The following SLC27A1 variants were observed in gnomAD, a reference collection of about 807,000 sequenced individuals.
SLC27A1 encodes the protein solute carrier family 27 member 1.
A neutral mutation model predicts 62.2 loss-of-function variants in SLC27A1; 61 were observed. The observed-to-expected ratio is 0.98, with a 90% CI of 0.80 to 1.21. The LOEUF (loss-of-function observed/expected upper bound fraction) is 1.21, where lower values mean the gene tolerates loss of function less well. Among genes scored for constraint, SLC27A1 ranks in the 50% most tolerant of loss-of-function variants. The pLI, the probability that SLC27A1 is intolerant of heterozygous loss-of-function variation, is 0.00. For synonymous variants in SLC27A1, 435 were observed against 408.6 expected, an observed-to-expected ratio of 1.06 and a Z score of -0.78; for missense variants, 903 against 932.1, an observed-to-expected ratio of 0.97 and a Z score of 0.41.
rs374779951 is a variant in SLC27A1, at chr19:17,485,567, C to T, written c.168-996C>T. Among the ~76,000 whole-genome samples the T allele has an allele frequency of 2.4e-3, 364 of 151,956 alleles. 2 individuals carry two copies. The highest frequency in any genetic ancestry group is 8.0e-3 in the African/African-American group (332 of 41,486). On this transcript the variant is annotated intron_variant, in intron 1 of 11. Transcript: ENST00000252595. ...ATTCTTGGCTGGGCATGGTGGCTCA[C>T]ACCTGTAATTCCAATACTTTGGGAG...
Position 17,501,385 on chromosome 19 carries a change from C to T in SLC27A1, c.1749C>T (p.Ile583=), listed in dbSNP as rs1417005276. Residue 583 remains isoleucine, a synonymous_variant, in exon 11 of 12, where the codon ATC becomes ATT. Coordinates refer to ENST00000252595, the MANE Select transcript of SLC27A1 (RefSeq NM_198580.3). The part of the protein sequence containing the change: ...QKVLAPYARP[I]FLRLLPQVDT... Reference sequence around the variant, plus strand: ...TGCTGGCACCCTATGCCCGGCCCATCTTCCTGCGCCTCCTGCCCCAGGTGG... The same window carrying T: ...TGCTGGCACCCTATGCCCGGCCCATTTTCCTGCGCCTCCTGCCCCAGGTGG... 6.2e-7 allele frequency: 1 copy of T among 1,613,840 alleles called. No individual in the cohort carries two copies.
chr19:17,489,317 C>T (rs371568887), intron 6 of SLC27A1, among the ~76,000 whole-genome samples, 200 bp downstream of exon 6: 122 of 152,222 alleles, frequency 8.0e-4, no homozygotes, highest in African/African-American at 2.8e-3. Context: ...TATGTGCGCC[C>T]TCCTGTCCAC....
chr19:17,486,840 G>A lies in SLC27A1; in HGVS notation c.445G>A (p.Ala149Thr), dbSNP rs1568415550. 6.3e-7 allele frequency: 1 copy of A among 1,588,372 alleles called. No homozygotes were observed. ...GTTCGTGGGGCTGTGGCTGGGCCTG[G>A]CCAAGGCGGGCATGGAGGCCGCGCT... ...PEFVGLWLGL[A>T]KAGMEAALLN... The change falls in exon 2 of 12, where the codon GCC becomes ACC. Residue 149 changes from alanine (A) to threonine (T), a missense_variant. Coordinates refer to ENST00000252595, the MANE Select transcript of SLC27A1 (RefSeq NM_198580.3). This position sits in a 1 kb window ranked among gnomAD's most constrained non-coding sequence, Gnocchi z 6.6.
upstream of SLC27A1, among the ~76,000 whole-genome samples, chr19:17,469,833 G>T (rs1053952971): frequency 6.9e-6 from 1 of 145,616 alleles, no homozygotes; most frequent in East Asian, 2.1e-4. Context: ...GCTAGGCCCG[G>T]AACTGGGGTG....
At chr19:17,487,740 G>C (rs1194635991) in intron 4 of SLC27A1, among the ~76,000 whole-genome samples, 2 of 152,098 alleles carry the variant, frequency 1.3e-5, no homozygotes, top group Non-Finnish European at 2.9e-5. Context: ...ACTGCTTGGG[G>C]CTGGACAAAG....
chr19:17,474,090 G>A (rs1005194516), intron 1 of SLC27A1, among the ~76,000 whole-genome samples: 3 of 152,004 alleles, frequency 2.0e-5, no homozygotes, highest in Non-Finnish European at 4.4e-5. Context: ...CTACAGATGC[G>A]TGCCACAACA....
At chr19:17,478,466 CAAA>C (rs869214050) in intron 1 of SLC27A1, among the ~76,000 whole-genome samples, 1 of 48,376 alleles carries the variant, frequency 2.1e-5, no homozygotes, top group Non-Finnish European at 3.9e-5. Flanking sequence ...GACTCCGTCT[CAAA>C]AAAAAAAAAA....
intron 7 of SLC27A1, 200 bp from the exon 8 acceptor site, chr19:17,500,078 G>C (rs927009674): frequency 3.9e-6 from 3 of 765,406 alleles, no homozygotes; most frequent in Non-Finnish European, 6.1e-6. Context: ...TTGACTGAAT[G>C]CAGGCTGGGA....
chr19:17,495,873 C>G (rs1451307553), intron 6 of SLC27A1: 1 of 152,560 alleles, frequency 6.6e-6, no homozygotes, highest in Non-Finnish European at 1.5e-5. Flanking sequence ...TAGTCAGTAC[C>G]TTCTCAGGGG....
chr19:17,502,029 T>C (rs997202682), intron 11 of SLC27A1, among the ~76,000 whole-genome samples: 5 of 151,128 alleles, frequency 3.3e-5, no homozygotes, highest in Admixed American at 3.3e-4. Flanking sequence ...GGCAGAAGAA[T>C]TGCTTGAACC....
At chr19:17,497,625 C>G (rs756225872) in intron 7 of SLC27A1, 161 bp downstream of exon 7, 90 of 678,458 alleles carry the variant, frequency 1.3e-4, no homozygotes, top group Non-Finnish European at 2.2e-4. Context: ...CTGGGACTCC[C>G]GGTGCACCAC....
Position 17,486,178 on chromosome 19 carries a change from C to A in SLC27A1, c.168-385C>A, listed in dbSNP as rs1382901259. 1.3e-5 allele frequency among the ~76,000 whole-genome samples: 2 copies of A among 152,190 alleles called. No individual in the cohort carries two copies. The highest frequency in any genetic ancestry group is 2.9e-5 in the Non-Finnish European group (2 of 68,028). On this transcript the variant is annotated intron_variant, in intron 1 of 11. Transcript: ENST00000252595. The surrounding 1 kb of genome is among the most constrained non-coding windows in gnomAD (Gnocchi z 6.6). ...CAGCTGCCCAGCTCGGGGCTGGACC[C>A]TGGGGGTCCTGGTTAGGGTGGTCTG...
Position 17,497,327 on chromosome 19 carries a change from C to A in SLC27A1, c.1069C>A (p.Arg357Ser), listed in dbSNP as rs775866413. 6.2e-7 allele frequency: 1 copy of A among 1,605,736 alleles called. No homozygotes were observed. Among genetic ancestry groups the A allele is most frequent in the Admixed American group, 1.7e-5 (1 of 57,454 alleles). Residue 357 changes from arginine (R) to serine (S), a missense_variant, in exon 7 of 12, where the codon CGC (arginine) becomes AGC (serine). By Grantham distance (110) the Arg-to-Ser change is moderately radical. Transcript: ENST00000252595. ...GGTGCGCGAGGCGGAGAGGCGACAC[C>A]GCGTGCGCCTGGCGGTGGGGAACGG... ...QPVREAERRH[R>S]VRLAVGNGLR...
intron 11 of SLC27A1, among the ~76,000 whole-genome samples, chr19:17,502,409 T>C (rs1252451413): frequency 7.8e-6 from 1 of 128,182 alleles, no homozygotes; most frequent in Non-Finnish European, 1.6e-5. Flanking sequence ...TGGAGTGCAG[T>C]GGCGTGATCT....
chr19:17,470,437 T>C (rs1482566343), upstream of SLC27A1: 2 of 1,272,328 alleles, frequency 1.6e-6, no homozygotes, highest in Non-Finnish European at 2.0e-6. Flanking sequence ...AGCCGAGGCC[T>C]GGGGGCGCGG....
intron 1 of SLC27A1, among the ~76,000 whole-genome samples, chr19:17,477,302 A>G (rs2075134200): frequency 8.2e-6 from 1 of 121,468 alleles, no homozygotes; most frequent in Non-Finnish European, 1.6e-5. Flanking sequence ...GCTGGAGTGC[A>G]GTGGTGTGAT....
rs755096863 is a variant in SLC27A1 at position 17,500,564 on chromosome 19, G to C, written c.1403G>C (p.Ser468Thr). 1.2e-6 allele frequency: 2 copies of C among 1,613,574 alleles called. No homozygotes were observed. Among genetic ancestry groups the C allele is most frequent in the African/African-American group, 1.3e-5 (1 of 74,940 alleles). Residue 468 changes from serine (S) to threonine (T), a missense_variant, in exon 9 of 12, where the codon AGC becomes ACC. Transcript: ENST00000252595. ...CTGCGCCGCTTCGATGGCTATGTCA[G>C]CGAGAGCGCCACCAGCAAGAAGATC... Reference protein sequence around the residue: ...DPLRRFDGYVSESATSKKIAH... With the variant: ...DPLRRFDGYVTESATSKKIAH...
rs764298005 is a variant in SLC27A1 at position 17,504,517 on chromosome 19, G to A, written c.1846G>A (p.Asp616Asn). The change falls in exon 12 of 12, where the codon GAC becomes AAC. Residue 616 changes from aspartate (D) to asparagine (N), a missense_variant. Coordinates refer to ENST00000252595, the MANE Select transcript of SLC27A1 (RefSeq NM_198580.3). Reference protein sequence around the residue: ...REGFDPRQTSDRLFFLDLKQG... With the variant: ...REGFDPRQTSNRLFFLDLKQG... ...GGGCTTTGACCCACGCCAGACCTCA[G>A]ACCGGCTCTTCTTCCTGGACCTGAA... The A allele has an allele frequency of 1.2e-6, 2 of 1,614,076 alleles. No individual in the cohort carries two copies. The highest frequency in any genetic ancestry group is 1.7e-6 in the Non-Finnish European group (2 of 1,180,044).
Position 17,470,585 on chromosome 19 carries a change from G to T in SLC27A1, c.45G>T (p.Ala15=). ...GAGAASVVSL[A]LLWLLGLPWT... is the part of the protein sequence containing the mutation. The stretch of plus-strand genomic sequence containing the variant: ...GCGCGGCCTCGGTGGTCTCGCTGGC[G>T]CTGTTGTGGCTGCTGGGGCTGCCGT... The change falls in exon 1 of 12, where the codon GCG becomes GCT. Residue 15 remains alanine (A), a synonymous_variant. Transcript: ENST00000252595. 6.4e-7 allele frequency: 1 copy of T among 1,570,978 alleles called. No homozygotes were observed. The highest frequency in any genetic ancestry group is 8.6e-7 in the Non-Finnish European group (1 of 1,166,882).
Sources: allele counts gnomAD v4.1 joint callset (sites outside exome capture counted in the v4.1 genomes callset), GRCh38; gene constraint gnomAD v4.1.1; non-coding constraint Gnocchi (gnomAD v3.1); transcripts MANE v1.5; gene names NCBI Gene and HGNC (gene_info 2026-07-23, HGNC 2026-07-21).